VAC14: variants seen among roughly 807,000 people sequenced by gnomAD.
The protein encoded by VAC14 is protein VAC14 homolog.
VAC14 carries 47 observed loss-of-function variants against 85.3 expected under a neutral mutation model. The ratio of observed to expected loss-of-function variants is 0.55; its 90% CI spans 0.44 to 0.70. VAC14 has a LOEUF of 0.70. Ranked by LOEUF, VAC14 falls within the 30% of genes least tolerant of loss-of-function variation. The pLI is 0.00. For missense variants in VAC14, 861 were observed against 1,004.3 expected (o/e 0.86, Z 1.93); for synonymous variants, 447 against 430.5 (o/e 1.04, Z -0.47).
At chr16:70,787,420 C>A (rs755071452) in intron 1 of VAC14, among the ~76,000 whole-genome samples, 1 of 152,104 alleles carries the variant, frequency 6.6e-6, no homozygotes, top group African/African-American at 2.4e-5. Flanking sequence ...AGGAGCAGGT[C>A]GGAGGGAGGC....
chr16:70,783,067 C>T lies in VAC14; in HGVS notation c.777G>A (p.Met259Ile). 1 of 1,614,186 alleles carries T rather than the reference C, an allele frequency of 6.2e-7. No individual in the cohort carries two copies. The highest frequency in any genetic ancestry group is 8.5e-7 in the Non-Finnish European group (1 of 1,180,022). The change falls in exon 7 of 19, where the codon ATG becomes ATA. Residue 259 changes from methionine (M) to isoleucine (I), a missense_variant. By Grantham distance (10) the Met-to-Ile change is conservative (BLOSUM62 1). This residue lies in a region of VAC14 where 629 missense variants were observed against 703.1 expected (regional missense o/e 0.89). Transcript: ENST00000261776. ...KNPSSVKFAE[M>I]ANILVIHCQT... ...GGCAGTGGATCACCAGGATGTTGGCCATCTCAGCAAACTTCACACTGGAGG... is the reference window on the plus strand; with the variant it reads ...GGCAGTGGATCACCAGGATGTTGGCTATCTCAGCAAACTTCACACTGGAGG...
Position 70,744,465 on chromosome 16 carries a change from G to A in VAC14, c.1486C>T (p.Gln496Ter). The A allele has an allele frequency of 6.2e-7, 1 of 1,614,050 alleles. No individual in the cohort carries two copies. The highest frequency in any genetic ancestry group is 8.5e-7 in the Non-Finnish European group (1 of 1,180,014). Residue 496 changes from glutamine to a stop codon, truncating the protein, a stop_gained, in exon 13 of 19, where the codon CAG (glutamine) becomes TAG (stop). Coordinates refer to ENST00000261776, the MANE Select transcript of VAC14 (RefSeq NM_018052.5). LOFTEE classifies it high-confidence loss of function. ...PDLQASHSEL[Q>*]VPTPGRAGLL... ...CCGGCTCTGCCAGGGGTGGGCACCT[G>A]GAGCTCTGAGTGGCTGGCCTGGAGG...
chr16:70,788,725 T>C (rs752755693), intron 1 of VAC14, among the ~76,000 whole-genome samples: 135 of 152,372 alleles, frequency 8.9e-4, no homozygotes, highest in Non-Finnish European at 1.7e-3. Flanking sequence ...AATTCTCGCC[T>C]GCCATGCGGG....
chr16:70,724,935 G>A lies in VAC14; in HGVS notation c.1661+6560C>T, dbSNP rs908426542. Among the ~76,000 whole-genome samples, 13 of 152,346 alleles carry A rather than the reference G, an allele frequency of 8.5e-5. 1 individual carries two copies. In the South Asian group the frequency reaches 1.4e-3, roughly 17 times the overall value. On this transcript the variant is annotated intron_variant, in intron 14 of 18. Transcript: ENST00000261776. ...CATCTGCATTCTGGGTAGGTGGATC[G>A]GGGCCTCTTCTAGCAAACAGACTTA...
At chr16:70,786,127 A>C in intron 2 of VAC14, 88 bp downstream of exon 2, 1 of 1,549,912 alleles carries the variant, frequency 6.5e-7, no homozygotes, top group Middle Eastern at 2.2e-4. Flanking sequence ...GCAATGCCCT[A>C]CTGGGTCTTG....
intron 14 of VAC14, among the ~76,000 whole-genome samples, chr16:70,726,357 G>A (rs574835857): frequency 6.6e-6 from 1 of 152,366 alleles, no homozygotes; most frequent in South Asian, 2.1e-4. Flanking sequence ...ACTGGAGCCA[G>A]CTCTCGGCAC....
intron 13 of VAC14, 103 bp from the exon 14 acceptor site, chr16:70,731,730 TG>T (rs1457506473): frequency 1.0e-5 from 13 of 1,258,860 alleles, no homozygotes; most frequent in Non-Finnish European, 1.4e-5. Flanking sequence ...AAAAGATGTG[TG>T]TGGGGGGTGT....
At chr16:70,688,512 T>A (rs908779406) in intron 18 of VAC14, 12 of 987,514 alleles carry the variant, frequency 1.2e-5, no homozygotes, top group Middle Eastern at 5.1e-4. Context: ...GAGGCAGGGC[T>A]AGGACTGGGG....
At chr16:70,692,113 G>A (rs527813279) in intron 18 of VAC14, 598 of 981,544 alleles carry the variant, frequency 6.1e-4, no homozygotes, top group Middle Eastern at 1.0e-3. Context: ...GCCTCCAAGG[G>A]TTACCAAATA....
Position 70,695,603 on chromosome 16 carries a change from A to G in VAC14, c.1976T>C (p.Val659Ala), listed in dbSNP as rs2142991052. 1.2e-6 allele frequency: 2 copies of G among 1,613,860 alleles called. No individual in the cohort carries two copies. The highest frequency in any genetic ancestry group is 2.7e-5 in the African/African-American group (2 of 75,054). The change falls in exon 17 of 19, where the codon GTG becomes GCG. Residue 659 changes from valine (V) to alanine (A), a missense_variant. This residue lies in a region of VAC14 where 163 missense variants were observed against 162.2 expected (regional missense o/e 1.00). Coordinates refer to ENST00000261776, the MANE Select transcript of VAC14 (RefSeq NM_018052.5). ...CTTGTCCACCTCTGCGAGGAAGTCC[A>G]CGGTGACCTCCAGGTCCCCACTGGG... is the stretch of plus-strand genomic sequence containing the variant. ...IQKFGDLEVT[V>A]DFLAEVDKLV...
At chr16:70,765,295 TTGGAACTGCTC>T (rs1046993707) in intron 10 of VAC14, among the ~76,000 whole-genome samples, 37 of 152,152 alleles carry the variant, frequency 2.4e-4, no homozygotes, top group African/African-American at 8.9e-4. Context: ...CCTGGGATCC[TTGGAACTGCTC>T]TGGAGCTGCT....
Position 70,690,182 on chromosome 16 carries a change from G to T in VAC14, c.2187-2092C>A, listed in dbSNP as rs556757846. On this transcript the variant is annotated intron_variant, in intron 18 of 18. Transcript: ENST00000261776. ...CACATCTGCTCCCTGGGCCCTTAGG[G>T]TGGCAAGAAGTCCTGCTCCCTGTGA... 1.5e-5 allele frequency: 15 copies of T among 985,500 alleles called. No individual in the cohort carries two copies. In the East Asian group the frequency reaches 9.1e-4, roughly 60 times the overall value. 61.0% of individuals were successfully genotyped at this position (985,500 alleles called of 1,614,324 possible). A position where few individuals can be genotyped will look rare whatever the true frequency, so the allele number is the denominator to read the frequency against.
intron 13 of VAC14, among the ~76,000 whole-genome samples, chr16:70,740,364 C>A (rs1225402639): frequency 1.3e-5 from 2 of 152,190 alleles, no homozygotes; most frequent in African/African-American, 4.8e-5. Flanking sequence ...CCTTTGGCCT[C>A]AGACTGACAC....
chr16:70,750,973 C>T (rs943111152), intron 12 of VAC14, among the ~76,000 whole-genome samples: 6 of 152,178 alleles, frequency 3.9e-5, no homozygotes, highest in Admixed American at 6.5e-5. Flanking sequence ...CCAAGATTCC[C>T]GAACATAAAG....
At chr16:70,784,029 T>A in intron 5 of VAC14, 84 bp downstream of exon 5, 1 of 1,118,870 alleles carries the variant, frequency 8.9e-7, no homozygotes, top group Non-Finnish European at 1.4e-6. Context: ...AGGGTTCCTA[T>A]AGCCAAAGGG....
At chr16:70,690,617 G>A (rs1328358588) in intron 18 of VAC14, 1 of 985,338 alleles carries the variant, frequency 1.0e-6, no homozygotes, top group Non-Finnish European at 1.2e-6. Context: ...CCAGGGATGG[G>A]CGAGGAGTGT....
intron 17 of VAC14, among the ~76,000 whole-genome samples, chr16:70,694,744 C>T (rs2053672277): frequency 6.6e-6 from 1 of 152,340 alleles, no homozygotes; most frequent in South Asian, 2.1e-4. Flanking sequence ...GCTGTGCTCG[C>T]CCCAGCCAGC....
intron 15 of VAC14, among the ~76,000 whole-genome samples, chr16:70,697,630 G>A (rs1331550845): frequency 2.0e-5 from 3 of 152,206 alleles, no homozygotes; most frequent in African/African-American, 4.8e-5. Flanking sequence ...GGGGGAGTGG[G>A]CAGGGAAGGG....
At chr16:70,700,613 T>C (rs1209522530) in intron 14 of VAC14, among the ~76,000 whole-genome samples, 6 of 152,188 alleles carry the variant, frequency 3.9e-5, no homozygotes, top group Non-Finnish European at 8.8e-5. Flanking sequence ...GGGGAGCTGC[T>C]GGCTGCAGAG....
Sources: allele counts gnomAD v4.1 joint callset (sites outside exome capture counted in the v4.1 genomes callset), GRCh38; gene constraint gnomAD v4.1.1; regional missense constraint gnomAD v4.1.1; transcripts MANE v1.5; gene names NCBI Gene and HGNC (gene_info 2026-07-23, HGNC 2026-07-21).